ZNF469: variants seen among roughly 807,000 people sequenced by gnomAD.
The protein encoded by ZNF469 is zinc finger protein 469.
A neutral mutation model predicts 1.0 loss-of-function variants in ZNF469; 1 was observed. The observed-to-expected ratio is 1.00, with a 90% CI of 0.35 to 4.73. ZNF469 has a LOEUF of 4.73. Ranked by LOEUF, ZNF469 falls within the 30% of genes most tolerant of loss-of-function variation. The pLI is 0.16. For missense variants in ZNF469, 6,100 were observed against 5,356.3 expected (o/e 1.14, Z -4.33); for synonymous variants, 2,703 against 2,363.4 (o/e 1.14, Z -4.17).
the ZNF469 span, among the ~76,000 whole-genome samples, chr16:88,111,788 C>A: frequency 6.6e-6 from 1 of 152,154 alleles, no homozygotes. Flanking sequence ...AGGTGCCCAC[C>A]ATCACACCCA....
At chr16:88,120,808 A>C in the ZNF469 span, among the ~76,000 whole-genome samples, 3 of 152,114 alleles carry the variant, frequency 2.0e-5, no homozygotes, top group African/African-American at 7.2e-5. Flanking sequence ...TGAATCCCGG[A>C]GGAGACGCCC....
chr16:88,170,135 C>T, the ZNF469 span, among the ~76,000 whole-genome samples: 1 of 152,176 alleles, frequency 6.6e-6, no homozygotes, highest in African/African-American at 2.4e-5. This position sits in a 1 kb window ranked among gnomAD's most constrained non-coding sequence, Gnocchi z 4.2. Flanking sequence ...CACTGTGTTT[C>T]TTTTCCACCT....
At chr16:88,377,440 C>A in the ZNF469 span, among the ~76,000 whole-genome samples, 3 of 152,178 alleles carry the variant, frequency 2.0e-5, no homozygotes, top group African/African-American at 4.8e-5. Flanking sequence ...GTGCCTGTGC[C>A]CCTGTGCAGG....
the ZNF469 span, among the ~76,000 whole-genome samples, chr16:88,240,575 C>T: frequency 6.6e-6 from 1 of 152,254 alleles, no homozygotes; most frequent in African/African-American, 2.4e-5. Flanking sequence ...GCAGATGCAT[C>T]AACCAGAGAG....
intron 1 of ZNF469, among the ~76,000 whole-genome samples, chr16:88,391,906 C>G (rs1038059280): frequency 1.7e-4 from 26 of 152,094 alleles, no homozygotes; most frequent in African/African-American, 6.0e-4. Flanking sequence ...ATATGATATA[C>G]AACATAATGT....
In ZNF469 at chr16:88,434,687, G is replaced by A. The variant is rs893404188; in HGVS notation, c.7217G>A (p.Gly2406Glu). The A allele has an allele frequency of 1.3e-6, 2 of 1,550,362 alleles. No individual in the cohort carries two copies. Among genetic ancestry groups the A allele is most frequent in the South Asian group, 2.4e-5 (2 of 84,052 alleles). The change falls in exon 3 of 3, where the codon GGA becomes GAA. Residue 2406 changes from glycine to glutamate, a missense_variant. Transcript: ENST00000565624. ...TGCCCTTCCACAGGACTGGGCTTGG[G>A]AAGAACCACAGCCCCAAGCAGCACA... The part of the protein sequence containing the change: ...VTCPSTGLGL[G>E]RTTAPSSTAS...
At chr16:88,144,908 G>A in the ZNF469 span, among the ~76,000 whole-genome samples, 1 of 151,608 alleles carries the variant, frequency 6.6e-6, no homozygotes, top group Non-Finnish European at 1.5e-5. Context: ...GGAGTGCAAT[G>A]GTGTGATCTC....
At chr16:88,202,548 G>C in the ZNF469 span, among the ~76,000 whole-genome samples, 1 of 152,338 alleles carries the variant, frequency 6.6e-6, no homozygotes, top group East Asian at 1.9e-4. Context: ...GGCAGACCCA[G>C]GGCGGGGCAG....
the ZNF469 span, among the ~76,000 whole-genome samples, chr16:88,234,594 C>T: frequency 2.0e-5 from 3 of 152,310 alleles, no homozygotes; most frequent in East Asian, 5.8e-4. Flanking sequence ...ACCAGGGGTG[C>T]CTGAGGGGAC....
the ZNF469 span, among the ~76,000 whole-genome samples, chr16:88,154,804 G>T: frequency 1.3e-5 from 2 of 152,184 alleles, no homozygotes; most frequent in Admixed American, 1.3e-4. Context: ...CGCAGGCAGG[G>T]ATGTGCACAG....
chr16:88,166,896 C>A, the ZNF469 span, among the ~76,000 whole-genome samples: 1 of 151,630 alleles, frequency 6.6e-6, no homozygotes, highest in Admixed American at 6.6e-5. The surrounding 1 kb of genome is among the most constrained non-coding windows in gnomAD (Gnocchi z 4.5). Flanking sequence ...TCTGTAAAAT[C>A]ATTTCTATAT....
At chr16:88,169,293 T>C in the ZNF469 span, among the ~76,000 whole-genome samples, 960 of 152,228 alleles carry the variant, frequency 6.3e-3, 4 homozygotes, top group African/African-American at 0.019. The surrounding 1 kb of genome is among the most constrained non-coding windows in gnomAD (Gnocchi z 6.1). Flanking sequence ...GCTCTCTGAG[T>C]TTCCGCGAAT....
chr16:88,193,699 C>T, the ZNF469 span: 1 of 152,188 alleles, frequency 6.6e-6, no homozygotes, highest in African/African-American at 2.4e-5. Context: ...GAGACCCTGT[C>T]TCTAAAAAAA....
chr16:88,236,084 G>A, the ZNF469 span, among the ~76,000 whole-genome samples: 29,242 of 151,690 alleles, frequency 0.19, 3,055 homozygotes, highest in Middle Eastern at 0.3. Context: ...ACCAAAGTTC[G>A]TATTCTGTAG....
the ZNF469 span, among the ~76,000 whole-genome samples, chr16:88,181,688 A>G: frequency 2.0e-5 from 3 of 152,248 alleles, no homozygotes; most frequent in African/African-American, 7.2e-5. Flanking sequence ...CATTAAATGT[A>G]TATATGTGAA....
At chr16:88,250,659 T>G in the ZNF469 span, among the ~76,000 whole-genome samples, 1 of 152,226 alleles carries the variant, frequency 6.6e-6, no homozygotes, top group Non-Finnish European at 1.5e-5. Flanking sequence ...TCTATTCCTT[T>G]CTTTTCAATA....
chr16:88,431,703 C>G lies in ZNF469; in HGVS notation c.4233C>G (p.Ser1411Arg), dbSNP rs1426594400. 3 of 1,550,414 alleles carry G rather than the reference C, an allele frequency of 1.9e-6. 1 individual carries two copies. The South Asian group carries it at 3.6e-5, about 18-fold the overall frequency. ...CAGCCAGGGATGCCCCGCCGGCCAG[C>G]AGCTCCTGCCTTTGCCAGGACGGCG... ...KPSARDAPPA[S>R]SSCLCQDGED... The change falls in exon 3 of 3, where the codon AGC becomes AGG. Residue 1411 changes from serine to arginine, a missense_variant. By Grantham distance (110) the Ser-to-Arg change is moderately radical. Coordinates refer to ENST00000565624, the MANE Select transcript of ZNF469 (RefSeq NM_001367624.2).
chr16:88,170,027 G>A, the ZNF469 span, among the ~76,000 whole-genome samples: 2 of 152,232 alleles, frequency 1.3e-5, no homozygotes, highest in Non-Finnish European at 2.9e-5. The surrounding 1 kb of genome is among the most constrained non-coding windows in gnomAD (Gnocchi z 4.2). Flanking sequence ...GAGAGCACAG[G>A]CTGGAGGAGG....
chr16:88,317,661 C>G, the ZNF469 span, among the ~76,000 whole-genome samples: 19 of 152,372 alleles, frequency 1.2e-4, 1 homozygote, highest in African/African-American at 4.3e-4. Flanking sequence ...GAGGCCTTCT[C>G]TTTCCTCACT....
Sources: allele counts gnomAD v4.1 joint callset (sites outside exome capture counted in the v4.1 genomes callset), GRCh38; gene constraint gnomAD v4.1.1; non-coding constraint Gnocchi (gnomAD v3.1); transcripts MANE v1.5; gene names NCBI Gene and HGNC (gene_info 2026-07-23, HGNC 2026-07-21).